The following NOTCH2 variants were observed in gnomAD, a reference collection of about 807,000 sequenced individuals.
The protein encoded by NOTCH2 is notch receptor 2, also known as neurogenic locus notch homolog protein 2.
NOTCH2 carries 29 observed loss-of-function variants against 235.8 expected under a neutral mutation model. The ratio of observed to expected loss-of-function variants is 0.12; its 90% CI spans 0.09 to 0.17. The LOEUF is 0.17. Ranked by LOEUF, NOTCH2 falls within the 10% of genes least tolerant of loss-of-function variation. NOTCH2 has a pLI of 1.00. For synonymous variants in NOTCH2, 1,086 were observed against 1,141.5 expected (o/e 0.95, Z 0.98); for missense variants, 2,285 against 3,150.2 (o/e 0.73, Z 6.57).
chr1:119,949,505 G>A (rs1404822256), intron 15 of NOTCH2, among the ~76,000 whole-genome samples: 3 of 148,282 alleles, frequency 2.0e-5, no homozygotes, highest in Non-Finnish European at 3.0e-5. Context: ...TCCTGCCTCC[G>A]CCTCCCGAGT....
At chr1:119,999,976 A>AAAGGAAGG (rs58775950) in intron 3 of NOTCH2, among the ~76,000 whole-genome samples, 2,579 of 56,164 alleles carry the variant, frequency 0.046, 165 homozygotes, top group Middle Eastern at 0.094. Context: ...AGAAAGAAAG[A>AAAGGAAGG]AAGGAAGGAA....
chr1:119,983,015 T>C (rs1416419228), intron 5 of NOTCH2, among the ~76,000 whole-genome samples: 3 of 152,136 alleles, frequency 2.0e-5, no homozygotes, highest in Non-Finnish European at 4.4e-5. Context: ...TGAAATATAA[T>C]GAGAGTAACA....
At chr1:119,966,348 A>G (rs782220404) in intron 9 of NOTCH2, 28 bp downstream of exon 9, 7 of 1,508,594 alleles carry the variant, frequency 4.6e-6, no homozygotes, top group Admixed American at 1.7e-5. Context: ...GCTTTAAGAG[A>G]AAACAGGGCC....
intron 2 of NOTCH2, among the ~76,000 whole-genome samples, chr1:120,029,066 A>T (rs1303440105): frequency 2.0e-5 from 3 of 149,450 alleles, no homozygotes; most frequent in South Asian, 4.2e-4. Context: ...CTTCATCCTT[A>T]CTCTTTTATC....
At chr1:119,962,461 G>A (rs1157223719) in intron 11 of NOTCH2, among the ~76,000 whole-genome samples, 2 of 152,232 alleles carry the variant, frequency 1.3e-5, no homozygotes, top group African/African-American at 4.8e-5. Context: ...TAAATGTGGG[G>A]AGGGAAAGGC....
intron 32 of NOTCH2, 62 bp downstream of exon 32, chr1:119,918,344 A>G: frequency 1.3e-6 from 2 of 1,588,340 alleles, no homozygotes; most frequent in East Asian, 2.2e-5. Context: ...ACGTAACTCT[A>G]TTCCCCTCGT....
At chr1:120,035,109 A>T (rs879972925) in intron 1 of NOTCH2, among the ~76,000 whole-genome samples, 23 of 149,962 alleles carry the variant, frequency 1.5e-4, no homozygotes, top group Non-Finnish European at 2.5e-4. Flanking sequence ...TATTCAAGTC[A>T]TCCCTTTTTA....
intron 2 of NOTCH2, among the ~76,000 whole-genome samples, chr1:120,009,186 T>C (rs1204194219): frequency 2.0e-5 from 3 of 151,668 alleles, no homozygotes; most frequent in Admixed American, 1.3e-4. Context: ...CAGCAGAAAA[T>C]AGATGAGAGC....
intron 10 of NOTCH2, among the ~76,000 whole-genome samples, chr1:119,964,325 G>C (rs1346685969): frequency 6.6e-6 from 1 of 152,102 alleles, no homozygotes; most frequent in Non-Finnish European, 1.5e-5. Flanking sequence ...CCTGTTATGA[G>C]AATTTAAAAG....
chr1:119,946,215 A>T (rs1021733333), intron 17 of NOTCH2, among the ~76,000 whole-genome samples: 4 of 152,110 alleles, frequency 2.6e-5, no homozygotes, highest in Non-Finnish European at 4.4e-5. Flanking sequence ...CCCAGAAAGA[A>T]GGTTCCATGT....
chr1:119,974,365 G>A (rs1570706228), intron 5 of NOTCH2, among the ~76,000 whole-genome samples: 4 of 152,188 alleles, frequency 2.6e-5, no homozygotes, highest in Admixed American at 2.6e-4. Flanking sequence ...TGAGGCAGTG[G>A]ACTAGTTAGG....
intron 29 of NOTCH2, among the ~76,000 whole-genome samples, chr1:119,921,417 T>C (rs1191378770): frequency 6.7e-6 from 1 of 149,036 alleles, no homozygotes; most frequent in Non-Finnish European, 1.5e-5. Flanking sequence ...CATGAAGGAA[T>C]TGCCATCTAC....
chr1:119,945,150 TATA>T (rs1218247721), intron 17 of NOTCH2, among the ~76,000 whole-genome samples: 1 of 152,078 alleles, frequency 6.6e-6, no homozygotes, highest in African/African-American at 2.4e-5. Flanking sequence ...GAAGGTACAT[TATA>T]ATAAGTTAAA....
At position 119,917,015 on chromosome 1, in the gene NOTCH2, T is replaced by C. The variant is rs140795240; in HGVS notation, c.6028-321A>G. Among the ~76,000 whole-genome samples, 921 of 151,854 alleles carry C rather than the reference T, an allele frequency of 6.1e-3. 5 individuals carry two copies. The highest frequency in any genetic ancestry group is 9.3e-3 in the Non-Finnish European group (634 of 68,020). On this transcript the variant is annotated intron_variant, in intron 33 of 33. Transcript: ENST00000256646. The stretch of plus-strand genomic sequence containing the variant: ...GACTCACTTAAAAGAGTACTGAGCT[T>C]ATCAAAATAAGGTTAAGGAAAAGGA...
chr1:119,999,956 AAAG>A (rs1652663375), intron 3 of NOTCH2, among the ~76,000 whole-genome samples: 2 of 134,522 alleles, frequency 1.5e-5, no homozygotes, highest in Non-Finnish European at 3.1e-5. Flanking sequence ...AGAAAGAAAG[AAAG>A]AAAGAAAGAA....
chr1:119,925,978 G>T (rs1649460093), intron 24 of NOTCH2, among the ~76,000 whole-genome samples, 168 bp from the exon 25 acceptor site: 1 of 152,204 alleles, frequency 6.6e-6, no homozygotes, highest in South Asian at 2.1e-4. Flanking sequence ...GAGGCATAGG[G>T]ATCTCTTGTT....
At chr1:120,043,249 G>A (rs1276216529) in intron 1 of NOTCH2, among the ~76,000 whole-genome samples, 4 of 148,830 alleles carry the variant, frequency 2.7e-5, no homozygotes, top group African/African-American at 5.1e-5. Context: ...AAACAAATCA[G>A]AAAGTCAGCT....
At chr1:119,955,583 A>G (rs1000941931) in intron 12 of NOTCH2, among the ~76,000 whole-genome samples, 2 of 152,254 alleles carry the variant, frequency 1.3e-5, no homozygotes, top group Non-Finnish European at 2.9e-5. Flanking sequence ...CCCTGAGTAC[A>G]ACTCAAAGAA....
chr1:119,999,838 C>T (rs1174138559), intron 3 of NOTCH2, among the ~76,000 whole-genome samples: 6 of 149,738 alleles, frequency 4.0e-5, no homozygotes, highest in Admixed American at 1.3e-4. Flanking sequence ...GCCGAGACTG[C>T]GCCACTGTAC....
Sources: allele counts gnomAD v4.1 joint callset (sites outside exome capture counted in the v4.1 genomes callset), GRCh38; gene constraint gnomAD v4.1.1; transcripts MANE v1.5; gene names NCBI Gene and HGNC (gene_info 2026-07-23, HGNC 2026-07-21).